The following SH3D19 variants were observed in gnomAD, a reference collection of about 807,000 sequenced individuals.
SH3D19 encodes the protein SH3 domain containing 19, also known as SH3 domain-containing protein 19.
A neutral mutation model predicts 112.1 loss-of-function variants in SH3D19; 58 were observed. The observed-to-expected ratio is 0.52, with a 90% CI of 0.42 to 0.64. The LOEUF (loss-of-function observed/expected upper bound fraction) is 0.64. Ranked by LOEUF, SH3D19 falls within the 30% of genes least tolerant of loss-of-function variation. The pLI is 0.00. For synonymous variants in SH3D19, 391 were observed against 448.5 expected, an observed-to-expected ratio of 0.87 and a Z score of 1.62; for missense variants, 1,090 against 1,263.4, an observed-to-expected ratio of 0.86 and a Z score of 2.08.
In SH3D19 at chr4:151,174,794, G is replaced by A; in HGVS notation, c.1410C>T (p.Pro470=). The part of the protein sequence containing the change: ...KSLGEGPPAN[P]PVPVLQSKPL... ...GCTTGCTCTGCAGAACTGGAACTGG[G>A]GGGTTGGCTGGGGGCCCTTCTCCCA... The change falls in exon 7 of 20, where the codon CCC becomes CCT. Residue 470 remains proline (P), a synonymous_variant. Transcript: ENST00000604030. 6.4e-7 allele frequency: 1 copy of A among 1,558,296 alleles called. No individual in the cohort carries two copies. The highest frequency in any genetic ancestry group is 8.7e-7 in the Non-Finnish European group (1 of 1,155,152).
Position 151,311,076 on chromosome 4 carries a change from G to A in SH3D19, c.112+14165C>T, listed in dbSNP as rs759342817. 4.7e-5 allele frequency among the ~76,000 whole-genome samples: 7 copies of A among 148,514 alleles called. No homozygotes were observed. The East Asian group carries it at 6.0e-4, about 13-fold the overall frequency. On this transcript the variant is annotated intron_variant, in intron 1 of 19. Coordinates refer to ENST00000604030, the MANE Select transcript of SH3D19 (RefSeq NM_001378122.1). ...TTGTGAATAATGCTGCAGTGAACAT[G>A]GGAGTGCAGATATCTCTTTGAGATA...
At chr4:151,262,168 T>C (rs1772428212) in intron 1 of SH3D19, among the ~76,000 whole-genome samples, 1 of 152,188 alleles carries the variant, frequency 6.6e-6, no homozygotes, top group Admixed American at 6.5e-5. Context: ...TTTAGGTTGT[T>C]TCCCAAACCA....
Position 151,305,363 on chromosome 4 carries a change from T to G in SH3D19, c.112+19878A>C, listed in dbSNP as rs538422833. On this transcript the variant is annotated intron_variant, in intron 1 of 19. Transcript: ENST00000604030. ...TATTGTTTGGGGAGCTCTTTATGTA[T>G]TCTACATTCAAATCTTTTGTTGGAT... Among the ~76,000 whole-genome samples, 6 of 152,354 alleles carry G rather than the reference T, an allele frequency of 3.9e-5. No individual in the cohort carries two copies. The East Asian group carries it at 1.2e-3, about 29-fold the overall frequency.
At position 151,174,722 on chromosome 4, in the gene SH3D19, G is replaced by A. The variant is rs777276704; in HGVS notation, c.1482C>T (p.Pro494=). The change falls in exon 7 of 20, where the codon CCC becomes CCT. Residue 494 remains proline, a synonymous_variant. Transcript: ENST00000604030. ...DLISFDDDVL[P]TPSGNLAEES... ...CTTCAGCCAGGTTCCCCGATGGGGT[G>A]GGCAAAACATCATCATCAAAGCTGA... 2.0e-6 allele frequency: 3 copies of A among 1,516,224 alleles called. No individual in the cohort carries two copies. In the Admixed American group the frequency reaches 6.8e-5, roughly 35 times the overall value. The allele number at this position is 1,516,224 out of a possible 1,614,324, so 93.9% of individuals were successfully genotyped here.
intron 1 of SH3D19, among the ~76,000 whole-genome samples, chr4:151,317,356 A>C (rs1047251462): frequency 6.6e-6 from 1 of 152,242 alleles, no homozygotes; most frequent in African/African-American, 2.4e-5. Context: ...GAAAGATGCT[A>C]TAAATTGCTG....
At chr4:151,177,060 G>T (rs937920482) in intron 4 of SH3D19, 105 bp from the exon 5 acceptor site, 1 of 1,005,800 alleles carries the variant, frequency 9.9e-7, no homozygotes, top group Non-Finnish European at 1.3e-6. Flanking sequence ...CAAAAAAGTT[G>T]TAAGAACTAA....
At chr4:151,325,169 TG>T in intron 1 of SH3D19, 71 bp downstream of exon 1, 3 of 838,336 alleles carry the variant, frequency 3.6e-6, no homozygotes, top group Non-Finnish European at 4.7e-6. Context: ...TGCCGCTGTG[TG>T]GGGCAGGACC....
At chr4:151,278,653 C>T (rs1206849994) in intron 1 of SH3D19, among the ~76,000 whole-genome samples, 1 of 152,014 alleles carries the variant, frequency 6.6e-6, no homozygotes, top group Non-Finnish European at 1.5e-5. Flanking sequence ...TCTTTTCAGA[C>T]AGGGTCTCAC....
At chr4:151,150,184 CAAAA>C (rs759365990) in intron 9 of SH3D19, among the ~76,000 whole-genome samples, 1 of 7,190 alleles carries the variant, frequency 1.4e-4, no homozygotes, top group African/African-American at 4.8e-4. Context: ...GACTCCATCT[CAAAA>C]AAAAAAAAAA....
At chr4:151,218,529 T>G (rs1767506077) in intron 2 of SH3D19, among the ~76,000 whole-genome samples, 1 of 152,030 alleles carries the variant, frequency 6.6e-6, no homozygotes. Context: ...CCTCCCACCG[T>G]AGCCTCCCAA....
chr4:151,236,249 G>A (rs1770030405), intron 1 of SH3D19, among the ~76,000 whole-genome samples: 1 of 152,266 alleles, frequency 6.6e-6, no homozygotes, highest in Admixed American at 6.5e-5. Context: ...GTGCAAGCGG[G>A]AGCCGGGGCT....
chr4:151,191,382 G>A (rs1048694625), intron 2 of SH3D19, among the ~76,000 whole-genome samples: 3 of 152,152 alleles, frequency 2.0e-5, no homozygotes, highest in African/African-American at 7.2e-5. Flanking sequence ...GGGGCCAGGG[G>A]TGAAATGACA....
chr4:151,319,087 G>A (rs1165284232), intron 1 of SH3D19, among the ~76,000 whole-genome samples: 1 of 152,166 alleles, frequency 6.6e-6, no homozygotes, highest in Non-Finnish European at 1.5e-5. Context: ...TTTCACTCTT[G>A]TTGTCCAGGC....
intron 1 of SH3D19, among the ~76,000 whole-genome samples, chr4:151,314,649 A>G (rs1375488976): frequency 2.6e-5 from 4 of 152,256 alleles, no homozygotes; most frequent in Non-Finnish European, 4.4e-5. Flanking sequence ...AACTGCCTTC[A>G]GCTGCCAGCT....
At chr4:151,227,614 AGGGCACAT>A (rs901845837) in intron 1 of SH3D19, 8 of 307,908 alleles carry the variant, frequency 2.6e-5, no homozygotes, top group African/African-American at 1.8e-4. Context: ...ATAGTAACGC[AGGGCACAT>A]TTAAATCATT....
intron 12 of SH3D19, among the ~76,000 whole-genome samples, chr4:151,143,465 C>T (rs1753374923): frequency 6.6e-6 from 1 of 152,108 alleles, no homozygotes; most frequent in Non-Finnish European, 1.5e-5. Context: ...CACATATCTC[C>T]TCTGCTCTCC....
At chr4:151,190,513 T>G (rs1762448195) in intron 2 of SH3D19, among the ~76,000 whole-genome samples, 2 of 152,202 alleles carry the variant, frequency 1.3e-5, no homozygotes, top group Admixed American at 1.3e-4. Flanking sequence ...CTCTAGGGAC[T>G]TGGTGCCCTG....
chr4:151,232,379 G>GA (rs11456271), intron 1 of SH3D19, among the ~76,000 whole-genome samples: 124,765 of 151,896 alleles, frequency 0.82, 53,156 homozygotes, highest in Non-Finnish European at 0.95. Flanking sequence ...CTAGGCCTCA[G>GA]AAAATTATAA....
chr4:151,145,360 T>C (rs1008374303), intron 11 of SH3D19, among the ~76,000 whole-genome samples: 40 of 152,150 alleles, frequency 2.6e-4, no homozygotes, highest in African/African-American at 8.9e-4. Flanking sequence ...AAAGATGACA[T>C]TCCACCATTG....
Sources: gnomAD v4.1 joint callset for allele counts (sites outside exome capture counted in the v4.1 genomes callset) on GRCh38, gnomAD v4.1.1 for gene constraint, MANE v1.5 for transcripts, NCBI Gene and HGNC (gene_info 2026-07-23, HGNC 2026-07-21) for gene names.